KRT2: variants seen among roughly 807,000 people sequenced by gnomAD.
The protein encoded by KRT2 is keratin 2, also known as keratin, type II cytoskeletal 2 epidermal.
KRT2 carries 37 observed loss-of-function variants against 48.5 expected under a neutral mutation model. The observed-to-expected ratio is 0.76, with a 90% CI of 0.59 to 1.00. The LOEUF (loss-of-function observed/expected upper bound fraction) is 1.00, where lower values mean the gene tolerates loss of function less well. KRT2 is among the 50% of genes least tolerant of loss of function. The probability of loss-of-function intolerance (pLI) is 0.00; values close to 1 mark genes in which losing one functional copy is unlikely to be tolerated. For missense variants in KRT2, 880 were observed against 815.2 expected (o/e 1.08, Z -0.97); for synonymous variants, 324 against 312.2 (o/e 1.04, Z -0.40).
chr12:52,647,847 C>T lies in KRT2; in HGVS notation c.1131G>A (p.Glu377=). 1 of 1,614,146 alleles carries T rather than the reference C, an allele frequency of 6.2e-7. No homozygotes were observed. Among genetic ancestry groups the T allele is most frequent in the Non-Finnish European group, 8.5e-7 (1 of 1,180,028 alleles). The part of the protein sequence containing the change: ...AEALYHSKYE[E]LQVTVGRHGD... ...CATGTCTCCCGACAGTCACCTGGAGCTCCTCATACTGATATGGGGAGAAGA... is the reference window on the plus strand; with the variant it reads ...CATGTCTCCCGACAGTCACCTGGAGTTCCTCATACTGATATGGGGAGAAGA... The change falls in exon 6 of 9, where the codon GAG becomes GAA. Residue 377 remains glutamate (E), a synonymous_variant. Transcript: ENST00000309680.
rs373657241 is a variant in KRT2, at chr12:52,646,695, G to A, written c.1469+45C>T. ...CTCCAGCCCTGGCTCTGGGAGAGAT[G>A]AGAGGAAGGGCCAGGGTCCCCTTCT... is the stretch of plus-strand genomic sequence containing the variant. On this transcript the variant is annotated intron_variant, in intron 7 of 8. Coordinates refer to ENST00000309680, the MANE Select transcript of KRT2 (RefSeq NM_000423.3). 69 of 1,603,562 alleles carry A rather than the reference G, an allele frequency of 4.3e-5. No homozygotes were observed. The African/African-American group carries it at 6.9e-4, about 16-fold the overall frequency.
intron 8 of KRT2, 30 bp downstream of exon 8, chr12:52,645,505 C>A: frequency 6.2e-7 from 1 of 1,614,098 alleles, no homozygotes; most frequent in Non-Finnish European, 8.5e-7. Context: ...CACAACACCC[C>A]ATGGAACAGG....
rs1234569977 is a variant in KRT2, at chr12:52,650,512, T to C, written c.627A>G (p.Lys209=). ...LEQQNQVLQT[K]WELLQQMNVG... is the part of the protein sequence containing the mutation. ...CATTCATTTGTTGTAGCAGCTCCCA[T>C]TTGGTCTGTAACACCTGGTTCTGCT... The change falls in exon 2 of 9, where the codon AAA becomes AAG. Residue 209 remains lysine, a synonymous_variant. Transcript: ENST00000309680. 6.2e-7 allele frequency: 1 copy of C among 1,613,172 alleles called. No individual in the cohort carries two copies. Among genetic ancestry groups the C allele is most frequent in the South Asian group, 1.1e-5 (1 of 91,030 alleles).
At chr12:52,651,495 T>G (rs1941246397) in intron 1 of KRT2, 63 bp downstream of exon 1, 1 of 1,244,510 alleles carries the variant, frequency 8.0e-7, no homozygotes, top group Non-Finnish European at 1.2e-6. Flanking sequence ...CCATTTTCTT[T>G]TTGGTTGGCT....
chr12:52,648,591 C>G (rs1941203676), intron 4 of KRT2, among the ~76,000 whole-genome samples: 2 of 152,182 alleles, frequency 1.3e-5, no homozygotes, highest in African/African-American at 4.8e-5. Context: ...TGCCCCCAGA[C>G]AGAAGCTTGT....
In KRT2 at chr12:52,644,945, TAC is replaced by T. The variant is rs1430185366; in HGVS notation, c.*72_*73del. 3.9e-6 allele frequency: 6 copies of T among 1,544,690 alleles called. No homozygotes were observed. Among genetic ancestry groups the T allele is most frequent in the Non-Finnish European group, 4.5e-6 (5 of 1,119,530 alleles). ...AATTTAACTTGCTGCCAGTTAGAGG[TAC>T]AGAGACAGGCTTCTACATTCTGGAG... On this transcript the variant is annotated 3_prime_UTR_variant, in exon 9 of 9. Coordinates refer to ENST00000309680, the MANE Select transcript of KRT2 (RefSeq NM_000423.3).
rs144860513 is a variant in KRT2 at position 52,646,777 on chromosome 12, C to T, written c.1432G>A (p.Ala478Thr). The change falls in exon 7 of 9, where the codon GCC (alanine) becomes ACC (threonine). Residue 478 changes from alanine to threonine, a missense_variant. By Grantham distance (58) the Ala-to-Thr change is moderately conservative. Coordinates refer to ENST00000309680, the MANE Select transcript of KRT2 (RefSeq NM_000423.3). The part of the protein sequence containing the change: ...NVKLALDVEI[A>T]TYRKLLEGEE... ...CCCTCCAGCAGTTTGCGGTAGGTGG[C>T]GATCTCCACATCTAGGGCCAGCTTC... 249 of 1,613,872 alleles carry T rather than the reference C, an allele frequency of 1.5e-4. No homozygotes were observed. Among genetic ancestry groups the T allele is most frequent in the Non-Finnish European group, 1.9e-4 (226 of 1,179,962 alleles).
chr12:52,652,103 C>T lies in KRT2; in HGVS notation c.40G>A (p.Gly14Arg). 3 of 1,576,722 alleles carry T rather than the reference C, an allele frequency of 1.9e-6. No individual in the cohort carries two copies. The highest frequency in any genetic ancestry group is 2.6e-6 in the Non-Finnish European group (3 of 1,167,264). Residue 14 changes from glycine to arginine, a missense_variant, in exon 1 of 9, where the codon GGA becomes AGA. Coordinates refer to ENST00000309680, the MANE Select transcript of KRT2 (RefSeq NM_000423.3). ...AAGCCCCGGAATCCTCCTCCACCTC[C>T]TCCTCTTCCTCGAGATTTGCAAGAG... ...QISCKSRGRG[G>R]GGGGFRGFSS...
chr12:52,646,206 C>T lies in KRT2; in HGVS notation c.1469+534G>A, dbSNP rs147881597. 2.2e-3 allele frequency among the ~76,000 whole-genome samples: 331 copies of T among 152,308 alleles called. 1 individual carries two copies. The highest frequency in any genetic ancestry group is 7.6e-3 in the African/African-American group (315 of 41,570). On this transcript the variant is annotated intron_variant, in intron 7 of 8. Coordinates refer to ENST00000309680, the MANE Select transcript of KRT2 (RefSeq NM_000423.3). ...TAAGTCACCCAAGATGCTGATAATA[C>T]GGACAAAGGTCTCAGACTACAGAGG...
Position 52,650,343 on chromosome 12 carries a change from T to G in KRT2, c.796A>C (p.Lys266Gln). Residue 266 changes from lysine to glutamine, a missense_variant, in exon 2 of 9, where the codon AAG (lysine) becomes CAG (glutamine). Transcript: ENST00000309680. ...GCGTTTCACTCTGCCACCTACTTCTTCTTATAATCCTCCACAAGATCCTGC... is the reference window on the plus strand; with the variant it reads ...GCGTTTCACTCTGCCACCTACTTCTGCTTATAATCCTCCACAAGATCCTGC... ...NMQDLVEDYKKKYEDEINKRT... is the reference protein window; with the variant it reads ...NMQDLVEDYKQKYEDEINKRT... 2 of 1,613,700 alleles carry G rather than the reference T, an allele frequency of 1.2e-6. No individual in the cohort carries two copies. The highest frequency in any genetic ancestry group is 1.7e-6 in the Non-Finnish European group (2 of 1,179,580).
At chr12:52,647,002 C>T (rs908399935) in intron 6 of KRT2, 42 bp from the exon 7 acceptor site, 25 of 1,578,936 alleles carry the variant, frequency 1.6e-5, no homozygotes, top group Admixed American at 1.2e-4. Flanking sequence ...CTGACGGAGG[C>T]GGACAGAGAG....
intron 7 of KRT2, among the ~76,000 whole-genome samples, chr12:52,646,344 A>G (rs1218108462): frequency 1.3e-5 from 2 of 152,208 alleles, no homozygotes; most frequent in Admixed American, 1.3e-4. Flanking sequence ...ACCAGTCAGC[A>G]CATTCCGAGA....
Position 52,651,824 on chromosome 12 carries a change from C to T in KRT2, c.319G>A (p.Gly107Ser), listed in dbSNP as rs552494206. 1.7e-5 allele frequency: 28 copies of T among 1,603,384 alleles called. No individual in the cohort carries two copies. The highest frequency in any genetic ancestry group is 6.7e-5 in the African/African-American group (5 of 74,666). ...GGGSSFGGGS[G>S]FSGGGFGGGG... is the part of the protein sequence containing the mutation. ...CCACCGAAACCACCACCACTGAAGC[C>T]GCTGCCACCTCCAAAGCTGCTGCCG... Residue 107 changes from glycine (G) to serine (S), a missense_variant, in exon 1 of 9, where the codon GGC (glycine) becomes AGC (serine). Physicochemically the swap from Gly to Ser is moderately conservative, Grantham distance 56. Transcript: ENST00000309680.
At chr12:52,649,259 T>C (rs962028817) in intron 3 of KRT2, among the ~76,000 whole-genome samples, 157 bp from the exon 4 acceptor site, 2 of 152,120 alleles carry the variant, frequency 1.3e-5, no homozygotes, top group African/African-American at 4.8e-5. Flanking sequence ...TGTCGTGCAG[T>C]TTACCATACA....
rs558440815 is a variant in KRT2, at chr12:52,645,143, C to T, written c.1796G>A (p.Gly599Glu). ...GCTGGAGCCTCCTCTAGAGCCACCT[C>T]CAGAGCTGTGTTTTCCACCTCCAGA... ...YGSGGGKHSS[G>E]GGSRGGSSSG... The change falls in exon 9 of 9, where the codon GGA becomes GAA. Residue 599 changes from glycine to glutamate, a missense_variant. Physicochemically the swap from Gly to Glu is moderately conservative, Grantham distance 98 (BLOSUM62 -2). Transcript: ENST00000309680. 4.6e-5 allele frequency: 75 copies of T among 1,613,848 alleles called. 1 individual carries two copies. The South Asian group carries it at 7.8e-4, about 17-fold the overall frequency.
At chr12:52,650,063 C>A (rs544188336) in intron 2 of KRT2, 89 bp from the exon 3 acceptor site, 3 of 965,106 alleles carry the variant, frequency 3.1e-6, no homozygotes, top group Non-Finnish European at 1.7e-6. Context: ...CCAAATGCCC[C>A]ATTCTCTGGG....
chr12:52,647,154 C>T (rs186996366), intron 6 of KRT2, among the ~76,000 whole-genome samples, 194 bp from the exon 7 acceptor site: 1 of 152,158 alleles, frequency 6.6e-6, no homozygotes, highest in African/African-American at 2.4e-5. Flanking sequence ...TTGATGACAC[C>T]CTTTGGCTTT....
chr12:52,650,409 T>C lies in KRT2; in HGVS notation c.730A>G (p.Thr244Ala). 1 of 1,614,262 alleles carries C rather than the reference T, an allele frequency of 6.2e-7. No homozygotes were observed. The highest frequency in any genetic ancestry group is 8.5e-7 in the Non-Finnish European group (1 of 1,180,038). ...GAATTCTGTGATGTTCTTTCTGCAGTGAGCCCATCCAGATATCTCTTGAGG... is the reference window on the plus strand; with the variant it reads ...GAATTCTGTGATGTTCTTTCTGCAGCGAGCCCATCCAGATATCTCTTGAGG... The part of the protein sequence containing the change: ...DSLKRYLDGL[T>A]AERTSQNSEL... Residue 244 changes from threonine (T) to alanine (A), a missense_variant, in exon 2 of 9, where the codon ACT becomes GCT. Coordinates refer to ENST00000309680, the MANE Select transcript of KRT2 (RefSeq NM_000423.3).
Position 52,649,030 on chromosome 12 carries a change from A to T in KRT2, c.934T>A (p.Phe312Ile). Residue 312 changes from phenylalanine (F) to isoleucine (I), a missense_variant, in exon 4 of 9, where the codon TTT (phenylalanine) becomes ATT (isoleucine). Coordinates refer to ENST00000309680, the MANE Select transcript of KRT2 (RefSeq NM_000423.3). ...ACCGCATCATAGAGAACTTTCAGAA[A>T]CTCAATTTCCTGGTTCAGCAGGTCC... ...KVDLLNQEIE[F>I]LKVLYDAEIS... The T allele has an allele frequency of 6.2e-7, 1 of 1,611,678 alleles. No homozygotes were observed. The highest frequency in any genetic ancestry group is 8.5e-7 in the Non-Finnish European group (1 of 1,177,914).
Sources: gnomAD v4.1 joint callset for allele counts (sites outside exome capture counted in the v4.1 genomes callset) on GRCh38, gnomAD v4.1.1 for gene constraint, MANE v1.5 for transcripts, NCBI Gene and HGNC (gene_info 2026-07-23, HGNC 2026-07-21) for gene names.